The following SLC24A2 variants were observed in gnomAD, a reference collection of about 807,000 sequenced individuals.
SLC24A2 encodes sodium/potassium/calcium exchanger 2.
A neutral mutation model predicts 62.0 loss-of-function variants in SLC24A2; 36 were observed. The ratio of observed to expected loss-of-function variants is 0.58; its 90% CI spans 0.44 to 0.77. SLC24A2 has a LOEUF of 0.77. Among genes scored for constraint, SLC24A2 ranks in the 30% least tolerant of loss-of-function variants. The pLI, the probability that SLC24A2 is intolerant of heterozygous loss-of-function variation, is 0.00. For synonymous variants in SLC24A2, 358 were observed against 294.0 expected (o/e 1.22, Z -2.23); for missense variants, 846 against 817.9 (o/e 1.03, Z -0.42).
intron 2 of SLC24A2, among the ~76,000 whole-genome samples, chr9:19,687,048 T>G (rs1039589775): frequency 6.6e-6 from 1 of 152,062 alleles, no homozygotes; most frequent in South Asian, 2.1e-4. Context: ...AAATACCACA[T>G]GTTCTCACTT....
the SLC24A2 span, among the ~76,000 whole-genome samples, chr9:20,217,111 C>A: frequency 6.6e-6 from 1 of 152,140 alleles, no homozygotes; most frequent in Non-Finnish European, 1.5e-5. Flanking sequence ...GTGGTATAGT[C>A]ACACAGTGGA....
At chr9:19,835,796 C>T in the SLC24A2 span, among the ~76,000 whole-genome samples, 1 of 152,206 alleles carries the variant, frequency 6.6e-6, no homozygotes, top group African/African-American at 2.4e-5. Context: ...CCACACTACA[C>T]CTACTCCAAA....
the SLC24A2 span, among the ~76,000 whole-genome samples, chr9:20,017,084 A>G: frequency 1.3e-5 from 2 of 152,168 alleles, no homozygotes; most frequent in Non-Finnish European, 2.9e-5. Flanking sequence ...GTGCAGTGGC[A>G]TGATCTTGGC....
chr9:19,981,621 G>C, the SLC24A2 span, among the ~76,000 whole-genome samples: 1 of 152,134 alleles, frequency 6.6e-6, no homozygotes, highest in Non-Finnish European at 1.5e-5. Context: ...ATCATAGGTA[G>C]TTGATCTAGG....
At chr9:20,256,708 A>G in the SLC24A2 span, among the ~76,000 whole-genome samples, 5 of 152,224 alleles carry the variant, frequency 3.3e-5, no homozygotes, top group South Asian at 8.3e-4. Context: ...AGAGCCGTGC[A>G]TTCAGTGAGG....
At chr9:20,103,010 C>T in the SLC24A2 span, among the ~76,000 whole-genome samples, 189 of 152,298 alleles carry the variant, frequency 1.2e-3, no homozygotes, top group Non-Finnish European at 2.1e-3. Context: ...TGCGCTTTTC[C>T]GATGGGCTTA....
intron 5 of SLC24A2, among the ~76,000 whole-genome samples, chr9:19,584,545 C>G (rs1836308060): frequency 6.6e-6 from 1 of 152,144 alleles, no homozygotes; most frequent in African/African-American, 2.4e-5. Flanking sequence ...AACAAATCCT[C>G]TTTTATTCTA....
intron 5 of SLC24A2, among the ~76,000 whole-genome samples, chr9:19,582,007 G>T (rs979961333): frequency 6.6e-6 from 1 of 152,112 alleles, no homozygotes; most frequent in Admixed American, 6.6e-5. Context: ...TGCTCAAATC[G>T]TGAGGCACCT....
At chr9:19,679,635 C>T (rs907970600) in intron 2 of SLC24A2, among the ~76,000 whole-genome samples, 4 of 152,158 alleles carry the variant, frequency 2.6e-5, no homozygotes, top group South Asian at 2.1e-4. Flanking sequence ...AGAGGAAGCA[C>T]AAATTTGCTC....
the SLC24A2 span, among the ~76,000 whole-genome samples, chr9:20,093,584 T>C: frequency 1.3e-5 from 2 of 152,220 alleles, no homozygotes; most frequent in Non-Finnish European, 2.9e-5. Context: ...TATTGCTCCA[T>C]TATATTGTCA....
intron 4 of SLC24A2, among the ~76,000 whole-genome samples, chr9:19,601,633 C>A (rs140242003): frequency 0.012 from 1,606 of 133,422 alleles, 32 homozygotes; most frequent in African/African-American, 0.044. Context: ...ATTTTAAACA[C>A]TGACACTGTT....
At chr9:19,978,679 G>T in the SLC24A2 span, among the ~76,000 whole-genome samples, 1 of 152,040 alleles carries the variant, frequency 6.6e-6, no homozygotes, top group African/African-American at 2.4e-5. Flanking sequence ...GAAGGAGGCA[G>T]ATATCCATAT....
intron 2 of SLC24A2, among the ~76,000 whole-genome samples, chr9:19,638,785 G>A (rs80350818): frequency 9.7e-5 from 1 of 10,272 alleles, no homozygotes; most frequent in South Asian, 4.0e-3. Flanking sequence ...TAAATAAGAT[G>A]ACATTAAATA....
At chr9:20,179,972 C>A in the SLC24A2 span, among the ~76,000 whole-genome samples, 1 of 152,238 alleles carries the variant, frequency 6.6e-6, no homozygotes, top group East Asian at 1.9e-4. Flanking sequence ...ATTGGTTCAA[C>A]CAGTAACCAA....
chr9:20,289,691 C>G, the SLC24A2 span, among the ~76,000 whole-genome samples: 1 of 152,170 alleles, frequency 6.6e-6, no homozygotes, highest in Non-Finnish European at 1.5e-5. Flanking sequence ...AGGGCTGGCA[C>G]TCCATGAACA....
the SLC24A2 span, among the ~76,000 whole-genome samples, chr9:20,022,172 T>C: frequency 1.3e-5 from 2 of 152,332 alleles, no homozygotes; most frequent in Middle Eastern, 3.4e-3. Context: ...TCTCTCCCTC[T>C]GGGTCTAAAA....
the SLC24A2 span, among the ~76,000 whole-genome samples, chr9:20,032,968 C>T: frequency 1.3e-5 from 2 of 152,158 alleles, no homozygotes; most frequent in African/African-American, 2.4e-5. Flanking sequence ...TATGCTTTGC[C>T]TTTTGGGGTC....
chr9:20,044,391 G>C, the SLC24A2 span, among the ~76,000 whole-genome samples: 76 of 152,272 alleles, frequency 5.0e-4, no homozygotes, highest in African/African-American at 1.6e-3. Context: ...GCTCTGAAAA[G>C]AGCAGTATTT....
the SLC24A2 span, among the ~76,000 whole-genome samples, chr9:20,116,283 T>C: frequency 6.6e-6 from 1 of 152,140 alleles, no homozygotes; most frequent in Non-Finnish European, 1.5e-5. Flanking sequence ...CAAAAGCTTT[T>C]GCTGTCTGCT....
Sources: gnomAD v4.1 joint callset for allele counts (sites outside exome capture counted in the v4.1 genomes callset) on GRCh38, gnomAD v4.1.1 for gene constraint, MANE v1.5 for transcripts, NCBI Gene and HGNC (gene_info 2026-07-23, HGNC 2026-07-21) for gene names.